CSNK2A2IP: variants seen among roughly 807,000 people sequenced by gnomAD.
The protein encoded by CSNK2A2IP is casein kinase II subunit alpha'-interacting protein.
the CSNK2A2IP span, among the ~76,000 whole-genome samples, chr3:88,349,194 T>G: frequency 6.6e-6 from 1 of 152,040 alleles, no homozygotes; most frequent in East Asian, 1.9e-4. Context: ...ACGGATGAGT[T>G]CTTTAGTGGT....
chr3:88,413,730 A>C, the CSNK2A2IP span, among the ~76,000 whole-genome samples: 1 of 151,916 alleles, frequency 6.6e-6, no homozygotes, highest in African/African-American at 2.4e-5. Context: ...CAGTGTTTTT[A>C]ATATTTTTCA....
At chr3:88,418,606 C>T in the CSNK2A2IP span, among the ~76,000 whole-genome samples, 5 of 151,990 alleles carry the variant, frequency 3.3e-5, no homozygotes, top group African/African-American at 1.2e-4. Flanking sequence ...AAAGTAAAAC[C>T]CTTTCATTAA....
At chr3:88,410,666 C>T in the CSNK2A2IP span, among the ~76,000 whole-genome samples, 1 of 151,902 alleles carries the variant, frequency 6.6e-6, no homozygotes, top group Non-Finnish European at 1.5e-5. Context: ...AGTTTCTATT[C>T]TCATTATTGT....
chr3:88,355,216 C>T, the CSNK2A2IP span, among the ~76,000 whole-genome samples: 52 of 152,082 alleles, frequency 3.4e-4, no homozygotes, highest in African/African-American at 1.1e-3. Context: ...GATGGTGGTG[C>T]AGAAGTAGAG....
the CSNK2A2IP span, among the ~76,000 whole-genome samples, chr3:88,445,019 T>C: frequency 1.1e-4 from 17 of 152,150 alleles, no homozygotes; most frequent in Non-Finnish European, 2.1e-4. Flanking sequence ...TTTGATACAC[T>C]ATTTCATTAT....
At chr3:88,400,714 G>A in the CSNK2A2IP span, among the ~76,000 whole-genome samples, 1 of 152,160 alleles carries the variant, frequency 6.6e-6, no homozygotes, top group East Asian at 1.9e-4. Context: ...TGAAAAAGGA[G>A]CACAGCTCTA....
chr3:88,446,051 TTTCTTTCTTTCTTTC>T, the CSNK2A2IP span, among the ~76,000 whole-genome samples: 1 of 97,056 alleles, frequency 1.0e-5, no homozygotes, highest in African/African-American at 3.6e-5. Flanking sequence ...TCTTTCTTTC[TTTCTTTCTTTCTTTC>T]TTTCTTTCTT....
chr3:88,401,575 T>A, the CSNK2A2IP span, among the ~76,000 whole-genome samples: 4 of 152,062 alleles, frequency 2.6e-5, no homozygotes, highest in African/African-American at 4.8e-5. Context: ...GAAATATGAA[T>A]GAGTAGATAA....
the CSNK2A2IP span, among the ~76,000 whole-genome samples, chr3:88,372,642 C>T: frequency 5.3e-5 from 8 of 151,124 alleles, no homozygotes; most frequent in African/African-American, 1.7e-4. Context: ...GATTAATTAC[C>T]TTAAATGTAA....
At chr3:88,389,826 CTT>C in the CSNK2A2IP span, among the ~76,000 whole-genome samples, 332 of 143,446 alleles carry the variant, frequency 2.3e-3, 1 homozygote, top group South Asian at 4.0e-3. Context: ...AAACCCTGTA[CTT>C]TTTTTTTTTT....
chr3:88,341,141 G>C, the CSNK2A2IP span, among the ~76,000 whole-genome samples: 1 of 151,844 alleles, frequency 6.6e-6, no homozygotes, highest in East Asian at 1.9e-4. Context: ...GAATTTATAA[G>C]TATTTGAAGA....
At chr3:88,466,272 A>G in the CSNK2A2IP span, 1 of 1,231,738 alleles carries the variant, frequency 8.1e-7, no homozygotes, top group Non-Finnish European at 1.0e-6. Flanking sequence ...AATCAGCATC[A>G]TCATATTTTG....
At chr3:88,442,498 G>T in the CSNK2A2IP span, among the ~76,000 whole-genome samples, 1 of 152,036 alleles carries the variant, frequency 6.6e-6, no homozygotes, top group African/African-American at 2.4e-5. Context: ...ACTAGAGTTG[G>T]TACTATATGA....
At chr3:88,388,433 G>A in the CSNK2A2IP span, among the ~76,000 whole-genome samples, 2 of 152,148 alleles carry the variant, frequency 1.3e-5, no homozygotes, top group Admixed American at 6.5e-5. Context: ...GCAAAATGTA[G>A]TGTCAAAATG....
the CSNK2A2IP span, among the ~76,000 whole-genome samples, chr3:88,458,332 G>C: frequency 6.6e-6 from 1 of 151,720 alleles, no homozygotes; most frequent in Non-Finnish European, 1.5e-5. Flanking sequence ...TGTGTTTTTA[G>C]TAGAGATGGG....
At chr3:88,398,510 G>T in the CSNK2A2IP span, among the ~76,000 whole-genome samples, 1 of 151,968 alleles carries the variant, frequency 6.6e-6, no homozygotes, top group Non-Finnish European at 1.5e-5. Context: ...AAATAAATTG[G>T]GTGCGTATAT....
chr3:88,386,723 G>C, the CSNK2A2IP span, among the ~76,000 whole-genome samples: 1 of 152,202 alleles, frequency 6.6e-6, no homozygotes, highest in Non-Finnish European at 1.5e-5. Flanking sequence ...ACATGTGGTG[G>C]TTAGTGAACG....
chr3:88,371,554 T>C, the CSNK2A2IP span, among the ~76,000 whole-genome samples: 15,737 of 151,622 alleles, frequency 0.1, 1,283 homozygotes, highest in Admixed American at 0.27. Context: ...CCTCAGAGGC[T>C]GGTGAAAAAG....
the CSNK2A2IP span, among the ~76,000 whole-genome samples, chr3:88,365,619 C>G: frequency 6.6e-6 from 1 of 152,098 alleles, no homozygotes; most frequent in African/African-American, 2.4e-5. Context: ...TATCCCTTCC[C>G]AAGAAAAGAT....
Sources: gnomAD v4.1 joint callset for allele counts (sites outside exome capture counted in the v4.1 genomes callset) on GRCh38, gnomAD v4.1.1 for gene constraint, MANE v1.5 for transcripts, NCBI Gene and HGNC (gene_info 2026-07-23, HGNC 2026-07-21) for gene names.